The following ACER3 variants were observed in gnomAD, a reference collection of about 807,000 sequenced individuals.
ACER3 encodes the protein alkaline ceramidase 3, also known as alkCDase 3.
In ACER3, 16 loss-of-function variants were observed where a neutral mutation model predicts 48.9. The observed-to-expected ratio is 0.33, with a 90% CI of 0.22 to 0.50. The LOEUF (loss-of-function observed/expected upper bound fraction) is 0.50, where lower values mean the gene tolerates loss of function less well. ACER3 is among the 20% of genes least tolerant of loss of function. The pLI is 0.98. For synonymous variants in ACER3, 109 were observed against 107.8 expected, an observed-to-expected ratio of 1.01 and a Z score of -0.07; for missense variants, 227 against 326.0, an observed-to-expected ratio of 0.70 and a Z score of 2.34.
intron 8 of ACER3, among the ~76,000 whole-genome samples, chr11:77,016,420 G>A (rs1384214050): frequency 6.6e-6 from 1 of 152,098 alleles, no homozygotes; most frequent in South Asian, 2.1e-4. Flanking sequence ...CATAGTATCT[G>A]GGATTTGCTT....
chr11:76,952,924 C>T (rs1166420594), intron 2 of ACER3, among the ~76,000 whole-genome samples: 2 of 151,852 alleles, frequency 1.3e-5, no homozygotes, highest in African/African-American at 4.8e-5. Flanking sequence ...CCTCAGCCTC[C>T]CAAAGTGCTG....
At chr11:76,902,941 A>T (rs1239737504) in intron 1 of ACER3, among the ~76,000 whole-genome samples, 1 of 152,198 alleles carries the variant, frequency 6.6e-6, no homozygotes, top group Non-Finnish European at 1.5e-5. Context: ...ATTTTTCTTG[A>T]CTATGAATAG....
rs1949539441 is a variant in ACER3, at chr11:77,025,514, T to G, written c.*5187T>G. 1 of 151,766 alleles carries G rather than the reference T, an allele frequency of 6.6e-6. No individual in the cohort carries two copies. The highest frequency in any genetic ancestry group is 1.5e-5 in the Non-Finnish European group (1 of 67,998). 9.4% of individuals were successfully genotyped at this position (151,766 alleles called of 1,614,324 possible). A position where few individuals can be genotyped will look rare whatever the true frequency, so the allele number is the denominator to read the frequency against. ...CCTCCGCCTCCCAAGGTTCAAGCGA[T>G]TCTCCTGCCTCAGCCTCCCGAGTAG... is the stretch of plus-strand genomic sequence containing the variant. On this transcript the variant is annotated 3_prime_UTR_variant, in exon 11 of 11. Transcript: ENST00000532485.
At chr11:76,997,317 T>C (rs1948935414) in intron 6 of ACER3, among the ~76,000 whole-genome samples, 1 of 152,168 alleles carries the variant, frequency 6.6e-6, no homozygotes, top group African/African-American at 2.4e-5. Context: ...TATAAAGTAC[T>C]CTGTACAGTT....
chr11:76,980,907 C>A (rs1948570868), intron 4 of ACER3, among the ~76,000 whole-genome samples: 1 of 152,096 alleles, frequency 6.6e-6, no homozygotes, highest in African/African-American at 2.4e-5. Context: ...TTATTGTATG[C>A]TATTCATGTA....
chr11:76,978,803 G>C lies in ACER3; in HGVS notation c.320+2462G>C, dbSNP rs1948509867. Among the ~76,000 whole-genome samples, 7 of 152,310 alleles carry C rather than the reference G, an allele frequency of 4.6e-5. No homozygotes were observed. The South Asian group carries it at 1.5e-3, about 32-fold the overall frequency. On this transcript the variant is annotated intron_variant, in intron 4 of 10. Coordinates refer to ENST00000532485, the MANE Select transcript of ACER3 (RefSeq NM_018367.7). ...GGTTTCTGGCATCTCCCAGTTTCCA[G>C]GCACCACTGCATTCCCCTTGTCCAG...
chr11:76,995,821 A>G (rs1250650419), intron 6 of ACER3, among the ~76,000 whole-genome samples: 1 of 152,158 alleles, frequency 6.6e-6, no homozygotes, highest in East Asian at 1.9e-4. Context: ...GCCAAGGCAT[A>G]GGTTCTTTCC....
intron 1 of ACER3, among the ~76,000 whole-genome samples, chr11:76,920,747 C>T (rs1946665690): frequency 6.6e-6 from 1 of 151,900 alleles, no homozygotes. Context: ...AGCGATCCTC[C>T]CACCTCAGCC....
intron 5 of ACER3, among the ~76,000 whole-genome samples, chr11:76,989,536 A>C (rs1023928966): frequency 2.0e-5 from 3 of 152,188 alleles, no homozygotes; most frequent in African/African-American, 7.2e-5. Context: ...TTTGAGTTGA[A>C]TCCTAAAAGA....
At chr11:76,989,554 T>C (rs1463091353) in intron 5 of ACER3, among the ~76,000 whole-genome samples, 30 of 151,974 alleles carry the variant, frequency 2.0e-4, no homozygotes, top group Admixed American at 1.9e-3. Context: ...AGATAAGTAA[T>C]GAATAGAGGA....
chr11:76,910,064 G>A (rs1311419185), intron 1 of ACER3, among the ~76,000 whole-genome samples: 1 of 128,534 alleles, frequency 7.8e-6, no homozygotes, highest in Non-Finnish European at 1.6e-5. Context: ...AGTGAGAGTT[G>A]AACAATGAGA....
Position 76,860,986 on chromosome 11 carries a change from G to A in ACER3, c.10G>A (p.Ala4Thr), listed in dbSNP as rs746227737. The change falls in exon 1 of 11, where the codon GCC becomes ACC. Residue 4 changes from alanine to threonine, a missense_variant. Ala to Thr is a moderately conservative substitution (Grantham distance 58). Around this residue, in one of 3 missense-constraint regions of ACER3, gnomAD observed 27 missense variants for 18.1 expected, o/e 1.49. Coordinates refer to ENST00000532485, the MANE Select transcript of ACER3 (RefSeq NM_018367.7). The stretch of plus-strand genomic sequence containing the variant: ...CGGCGGCGGCGGCGTGATGGCTCCG[G>A]CCGCGGACCGAGAGGGCTACTGGGG... MAP[A>T]ADREGYWGPT... 433 of 1,538,548 alleles carry A rather than the reference G, an allele frequency of 2.8e-4. 1 individual carries two copies. Among genetic ancestry groups the A allele is most frequent in the Admixed American group, 6.7e-4 (34 of 50,446 alleles).
At chr11:76,924,049 G>T (rs914707738) in intron 1 of ACER3, among the ~76,000 whole-genome samples, 1 of 152,068 alleles carries the variant, frequency 6.6e-6, no homozygotes, top group Middle Eastern at 3.4e-3. Context: ...TGAACTCCCC[G>T]CTTTGTTTCC....
intron 2 of ACER3, among the ~76,000 whole-genome samples, chr11:76,935,567 C>T (rs1439793059): frequency 6.6e-6 from 1 of 152,046 alleles, no homozygotes; most frequent in Non-Finnish European, 1.5e-5. Context: ...AAAGAAAATA[C>T]CAGTGGAGCA....
chr11:76,874,003 T>G (rs1397673427), intron 1 of ACER3, among the ~76,000 whole-genome samples: 2 of 152,194 alleles, frequency 1.3e-5, no homozygotes, highest in East Asian at 3.8e-4. Context: ...TGGAGAGTTT[T>G]AGGTAGTGCA....
At chr11:76,956,224 A>G (rs1947835210) in intron 2 of ACER3, among the ~76,000 whole-genome samples, 1 of 152,348 alleles carries the variant, frequency 6.6e-6, no homozygotes, top group Non-Finnish European at 1.5e-5. Flanking sequence ...GATAAACAGC[A>G]AAACTTGGTG....
At chr11:77,002,597 A>G (rs1286759233) in intron 7 of ACER3, among the ~76,000 whole-genome samples, 2 of 152,138 alleles carry the variant, frequency 1.3e-5, no homozygotes, top group African/African-American at 2.4e-5. Flanking sequence ...GCATCAGGAT[A>G]CTATACATTT....
chr11:76,949,577 A>G (rs7104807), intron 2 of ACER3, among the ~76,000 whole-genome samples: 16,359 of 152,048 alleles, frequency 0.11, 2,911 homozygotes, highest in African/African-American at 0.37. Flanking sequence ...CAGAATTTCT[A>G]ATTTTTATAA....
intron 2 of ACER3, among the ~76,000 whole-genome samples, chr11:76,927,238 G>T (rs1946853549): frequency 6.6e-6 from 1 of 152,188 alleles, no homozygotes; most frequent in South Asian, 2.1e-4. Context: ...ACTTGTCTGT[G>T]AGGTGGAGGA....
Sources: allele counts gnomAD v4.1 joint callset (sites outside exome capture counted in the v4.1 genomes callset), GRCh38; gene constraint gnomAD v4.1.1; regional missense constraint gnomAD v4.1.1; transcripts MANE v1.5; gene names NCBI Gene and HGNC (gene_info 2026-07-23, HGNC 2026-07-21).